The following SCARB1 variants were observed in gnomAD, a reference collection of about 807,000 sequenced individuals.
SCARB1 encodes the protein scavenger receptor class B member 1.
SCARB1 carries 30 observed loss-of-function variants against 57.2 expected under a neutral mutation model. The observed-to-expected ratio is 0.52, with a 90% CI of 0.39 to 0.71. SCARB1 has a LOEUF of 0.71. Ranked by LOEUF, SCARB1 falls within the 30% of genes least tolerant of loss-of-function variation. SCARB1 has a pLI of 0.00. For synonymous variants in SCARB1, 249 were observed against 268.3 expected, an observed-to-expected ratio of 0.93 and a Z score of 0.70; for missense variants, 543 against 671.2, an observed-to-expected ratio of 0.81 and a Z score of 2.11.
At chr12:124,825,185 A>G (rs542758730) in intron 1 of SCARB1, among the ~76,000 whole-genome samples, 87 of 133,932 alleles carry the variant, frequency 6.5e-4, no homozygotes, top group African/African-American at 2.5e-3. Context: ...AAATTGCGCC[A>G]CTGCACTCCA....
intron 11 of SCARB1, chr12:124,785,831 A>T: frequency 2.0e-6 from 1 of 496,726 alleles, no homozygotes; most frequent in Non-Finnish European, 3.5e-6. Context: ...GAAAATTTAA[A>T]CTGAAAACCT....
At chr12:124,835,618 C>T (rs936630896) in intron 1 of SCARB1, among the ~76,000 whole-genome samples, 2 of 151,530 alleles carry the variant, frequency 1.3e-5, no homozygotes, top group African/African-American at 2.4e-5. Flanking sequence ...ATTTCTTATA[C>T]ACCGCATCCT....
chr12:124,848,707 T>C, intron 1 of SCARB1, among the ~76,000 whole-genome samples: 1 of 152,222 alleles, frequency 6.6e-6, no homozygotes, highest in Non-Finnish European at 1.5e-5. Flanking sequence ...GCCTCCCTCG[T>C]GAGAACGGCA....
At chr12:124,851,654 C>CG (rs1555266141) in intron 1 of SCARB1, among the ~76,000 whole-genome samples, 3 of 144,052 alleles carry the variant, frequency 2.1e-5, no homozygotes, top group Non-Finnish European at 4.5e-5. Flanking sequence ...GTCACCTAGG[C>CG]TGAAGTGCAG....
intron 1 of SCARB1, among the ~76,000 whole-genome samples, chr12:124,847,576 G>C (rs1952216652): frequency 1.3e-5 from 2 of 152,354 alleles, no homozygotes; most frequent in Admixed American, 1.3e-4. Context: ...CAGGGGATGA[G>C]TCAGGGATCA....
chr12:124,819,429 T>C (rs996005268), intron 1 of SCARB1, among the ~76,000 whole-genome samples: 1 of 152,230 alleles, frequency 6.6e-6, no homozygotes, highest in Admixed American at 6.5e-5. Context: ...TGCAAAAACA[T>C]GGTTTTCTTA....
At chr12:124,846,103 G>A (rs1258812899) in intron 1 of SCARB1, among the ~76,000 whole-genome samples, 1 of 152,200 alleles carries the variant, frequency 6.6e-6, no homozygotes, top group African/African-American at 2.4e-5. Context: ...GGGCTGGGGA[G>A]CTGCAAAGAG....
intron 1 of SCARB1, among the ~76,000 whole-genome samples, chr12:124,859,949 A>ATTTTTTT (rs63359362): frequency 8.5e-6 from 1 of 117,958 alleles, no homozygotes. Flanking sequence ...AAGTTCCTTC[A>ATTTTTTT]TTTTTTTTTT....
Position 124,810,046 on chromosome 12 carries a change from C to T in SCARB1, c.842+128G>A, listed in dbSNP as rs1950465790. ...GTGGTGTGACCAAAGAGAATTCAAG[C>T]TGGTGCCAAGGGCTACTGAGTCAAA... On this transcript the variant is annotated intron_variant, in intron 6 of 12. Coordinates refer to ENST00000261693, the MANE Select transcript of SCARB1 (RefSeq NM_005505.5). The surrounding 1 kb of genome is among the most constrained non-coding windows in gnomAD (Gnocchi z 4.0). 4.3e-6 allele frequency: 3 copies of T among 696,598 alleles called. No individual in the cohort carries two copies. In the South Asian group the frequency reaches 4.5e-5, roughly 10 times the overall value. 43.2% of individuals were successfully genotyped at this position (696,598 alleles called of 1,614,324 possible). A position where few individuals can be genotyped will look rare whatever the true frequency, so the allele number is the denominator to read the frequency against.
At chr12:124,795,583 T>C (rs1203785471) in intron 8 of SCARB1, among the ~76,000 whole-genome samples, 2 of 152,218 alleles carry the variant, frequency 1.3e-5, no homozygotes, top group African/African-American at 2.4e-5. Flanking sequence ...GGAAAATACC[T>C]AATCACTTTC....
At position 124,778,531 on chromosome 12, in the gene SCARB1, G is replaced by C; in HGVS notation, c.*56C>G. 7.3e-7 allele frequency: 1 copy of C among 1,375,630 alleles called. No individual in the cohort carries two copies. Among genetic ancestry groups the C allele is most frequent in the Non-Finnish European group, 9.4e-7 (1 of 1,063,456 alleles). 85.2% of individuals were successfully genotyped at this position (1,375,630 alleles called of 1,614,324 possible). ...CGGGAGAAGCGGGGTGTAGGGGCTG[G>C]GGGGCCGGTCAGGCCCAGCGGCCAG... is the stretch of plus-strand genomic sequence containing the variant. On this transcript the variant is annotated 3_prime_UTR_variant, in exon 13 of 13. Coordinates refer to ENST00000261693, the MANE Select transcript of SCARB1 (RefSeq NM_005505.5).
At chr12:124,798,580 C>T (rs1311947627) in intron 8 of SCARB1, among the ~76,000 whole-genome samples, 5 of 152,230 alleles carry the variant, frequency 3.3e-5, no homozygotes, top group South Asian at 2.1e-4. Flanking sequence ...TAGTGGCTCA[C>T]GCCTATAATC....
chr12:124,840,090 T>C, intron 1 of SCARB1: 1 of 1,275,900 alleles, frequency 7.8e-7, no homozygotes, highest in Middle Eastern at 2.1e-4. Context: ...CAAGTGACCA[T>C]CCTAATGGGT....
intron 1 of SCARB1, among the ~76,000 whole-genome samples, chr12:124,857,074 G>T (rs753699458): frequency 6.6e-6 from 1 of 152,126 alleles, no homozygotes; most frequent in Non-Finnish European, 1.5e-5. Context: ...CCCGCCGCCC[G>T]CCTTAAGCAT....
chr12:124,849,495 A>G (rs1365571968), intron 1 of SCARB1, among the ~76,000 whole-genome samples: 1 of 152,204 alleles, frequency 6.6e-6, no homozygotes, highest in African/African-American at 2.4e-5. Flanking sequence ...GGACCCTGGG[A>G]ACTTTCTGCC....
intron 1 of SCARB1, among the ~76,000 whole-genome samples, chr12:124,862,998 G>A (rs1952963335): frequency 6.6e-6 from 1 of 152,232 alleles, no homozygotes; most frequent in Admixed American, 6.5e-5. Flanking sequence ...CATGGAGGCA[G>A]TGAGCAGGGA....
intron 6 of SCARB1, among the ~76,000 whole-genome samples, chr12:124,808,741 G>A (rs1286080537): frequency 2.6e-5 from 4 of 152,030 alleles, no homozygotes; most frequent in Non-Finnish European, 4.4e-5. Flanking sequence ...CACTCAGCAC[G>A]CATGGCTGTC....
At chr12:124,841,935 C>T (rs974446936) in intron 1 of SCARB1, among the ~76,000 whole-genome samples, 9 of 152,202 alleles carry the variant, frequency 5.9e-5, no homozygotes, top group Admixed American at 5.2e-4. Context: ...TTGTCCACGG[C>T]TGTAGCTCCA....
intron 1 of SCARB1, among the ~76,000 whole-genome samples, chr12:124,819,317 C>T (rs936850087): frequency 6.6e-6 from 1 of 152,128 alleles, no homozygotes; most frequent in Non-Finnish European, 1.5e-5. Flanking sequence ...AGAGAGCCTC[C>T]CTGTGTGGCT....
Sources: allele counts gnomAD v4.1 joint callset (sites outside exome capture counted in the v4.1 genomes callset), GRCh38; gene constraint gnomAD v4.1.1; non-coding constraint Gnocchi (gnomAD v3.1); transcripts MANE v1.5; gene names NCBI Gene and HGNC (gene_info 2026-07-23, HGNC 2026-07-21).